OPRM1: variants seen among roughly 807,000 people sequenced by gnomAD.
OPRM1 encodes the protein mu-type opioid receptor.
In OPRM1, 27 loss-of-function variants were observed where a neutral mutation model predicts 31.8. The observed-to-expected ratio is 0.85, with a 90% CI of 0.63 to 1.17. The LOEUF (loss-of-function observed/expected upper bound fraction) is 1.17, where lower values mean the gene tolerates loss of function less well. OPRM1 is among the 50% of genes most tolerant of loss of function. The pLI is 0.00. For synonymous variants in OPRM1, 196 were observed against 189.9 expected (o/e 1.03, Z -0.26); for missense variants, 536 against 511.1 (o/e 1.05, Z -0.47).
Position 154,091,349 on chromosome 6 carries a change from A to G in OPRM1, c.1041A>G (p.Arg347=), listed in dbSNP as rs1442015751. 1.9e-6 allele frequency: 3 copies of G among 1,614,192 alleles called. No homozygotes were observed. Among genetic ancestry groups the G allele is most frequent in the Non-Finnish European group, 2.5e-6 (3 of 1,180,044 alleles). ...CATTTCTGGATGAAAACTTCAAACG[A>G]TGCTTCAGAGAGTTCTGTATCCCAA... is the stretch of plus-strand genomic sequence containing the variant. ...LYAFLDENFK[R]CFREFCIPTS... Residue 347 remains arginine, a synonymous_variant, in exon 3 of 4, where the codon CGA becomes CGG. Transcript: ENST00000330432.
At chr6:154,181,950 T>C (rs544901532) in intron 3 of OPRM1, among the ~76,000 whole-genome samples, 1 of 152,300 alleles carries the variant, frequency 6.6e-6, no homozygotes, top group South Asian at 2.1e-4. Flanking sequence ...AACGTCAAGT[T>C]GGGAGAACAC....
chr6:154,099,724 A>G (rs1562470822), intron 3 of OPRM1, among the ~76,000 whole-genome samples: 1 of 144,582 alleles, frequency 6.9e-6, no homozygotes, highest in Non-Finnish European at 1.5e-5. Flanking sequence ...GATTCATTTC[A>G]AATGTTAAAT....
At position 154,039,487 on chromosome 6, in the gene OPRM1, A is replaced by G. The variant is rs9282814; in HGVS notation, c.-58A>G. 6.4e-7 allele frequency: 1 copy of G among 1,564,340 alleles called. No individual in the cohort carries two copies. Among genetic ancestry groups the G allele is most frequent in the Non-Finnish European group, 8.7e-7 (1 of 1,154,140 alleles). ...AAGCGGCTGAGGCGCTTGGAACCCG[A>G]AAAGTCTCGGTGCTCCTGGCTACCT... is the stretch of plus-strand genomic sequence containing the variant. On this transcript the variant is annotated 5_prime_UTR_variant, in exon 1 of 4. Transcript: ENST00000330432.
intron 1 of OPRM1, chr6:154,086,843 G>A (rs1432816948): frequency 1.0e-6 from 1 of 985,032 alleles, no homozygotes; most frequent in Admixed American, 6.2e-5. Context: ...GGTGAATCTA[G>A]CAAAAGTTAT....
In OPRM1 at chr6:154,128,101, A is replaced by G. The variant is rs1435865665; in HGVS notation, c.*9380A>G. ...TATTTCCAGGATTTATAAATTCAGT[A>G]TTACAAATAGTAATCTGGCAAGTGT... On this transcript the variant is annotated 3_prime_UTR_variant, in exon 4 of 4. Coordinates refer to ENST00000330432, the MANE Select transcript of OPRM1 (RefSeq NM_000914.5). 6.6e-6 allele frequency among the ~76,000 whole-genome samples: 1 copy of G among 152,232 alleles called. No individual in the cohort carries two copies. The highest frequency in any genetic ancestry group is 2.4e-5 in the African/African-American group (1 of 41,458).
chr6:154,099,456 GAAA>G, intron 3 of OPRM1, among the ~76,000 whole-genome samples: 2 of 16,374 alleles, frequency 1.2e-4, no homozygotes, highest in African/African-American at 1.9e-4. Flanking sequence ...AAGAAAGAGA[GAAA>G]GAAAGAAAGA....
chr6:154,213,137 G>A (rs867218981), intron 3 of OPRM1: 3 of 374,886 alleles, frequency 8.0e-6, no homozygotes, highest in African/African-American at 4.1e-5. Context: ...AGAGGTGTGA[G>A]TCATAATACC....
chr6:154,026,303 G>T (rs1778693183), intron 1 of OPRM1, among the ~76,000 whole-genome samples: 1 of 151,938 alleles, frequency 6.6e-6, no homozygotes, highest in South Asian at 2.1e-4. Flanking sequence ...CTGCCTACCA[G>T]ACATATTAGA....
intron 3 of OPRM1, among the ~76,000 whole-genome samples, chr6:154,230,567 G>C (rs1204558716): frequency 1.3e-5 from 2 of 152,162 alleles, no homozygotes; most frequent in Non-Finnish European, 2.9e-5. Context: ...GGGCTGACCA[G>C]GAGAAATGAG....
chr6:154,139,369 T>C (rs1798141018), intron 3 of OPRM1, among the ~76,000 whole-genome samples: 1 of 152,168 alleles, frequency 6.6e-6, no homozygotes, highest in Non-Finnish European at 1.5e-5. Flanking sequence ...TAGTCCTCTT[T>C]TGGGGGTCTT....
chr6:154,166,461 T>C (rs774212592), intron 3 of OPRM1, among the ~76,000 whole-genome samples: 5 of 152,224 alleles, frequency 3.3e-5, no homozygotes, highest in Non-Finnish European at 5.9e-5. Context: ...TATTATCCGT[T>C]GACAGACATT....
chr6:154,144,613 T>G (rs1434880781), intron 3 of OPRM1, among the ~76,000 whole-genome samples: 3 of 151,626 alleles, frequency 2.0e-5, no homozygotes, highest in Non-Finnish European at 4.4e-5. Context: ...CTGGGTGTGG[T>G]GGTGGGTGCC....
chr6:154,220,224 T>C (rs546669256), intron 3 of OPRM1, among the ~76,000 whole-genome samples: 49 of 152,312 alleles, frequency 3.2e-4, no homozygotes, highest in African/African-American at 1.1e-3. Flanking sequence ...CAATGGGGCA[T>C]GTGGTAGGCG....
chr6:154,213,688 G>A (rs768824743), intron 3 of OPRM1, among the ~76,000 whole-genome samples: 4 of 152,228 alleles, frequency 2.6e-5, no homozygotes, highest in Admixed American at 2.0e-4. Context: ...CAACACTAAG[G>A]TGTAATCACA....
In OPRM1 at chr6:154,130,755, T is replaced by C. The variant is rs1055757518; in HGVS notation, c.*12034T>C. On this transcript the variant is annotated 3_prime_UTR_variant, in exon 4 of 4. Coordinates refer to ENST00000330432, the MANE Select transcript of OPRM1 (RefSeq NM_000914.5). The stretch of plus-strand genomic sequence containing the variant: ...ATAAATAGAATATATAAAGGGAATA[T>C]ATATATACCAATATAAATGGGAATT... Among the ~76,000 whole-genome samples the C allele has an allele frequency of 6.6e-6, 1 of 151,954 alleles. No homozygotes were observed. The highest frequency in any genetic ancestry group is 1.5e-5 in the Non-Finnish European group (1 of 67,984).
chr6:154,133,262 G>A (rs1021427900), downstream of OPRM1, among the ~76,000 whole-genome samples: 1 of 152,120 alleles, frequency 6.6e-6, no homozygotes, highest in African/African-American at 2.4e-5. Flanking sequence ...ATCTCTACAT[G>A]GTATTACCAG....
intron 1 of OPRM1, among the ~76,000 whole-genome samples, chr6:154,041,691 CAG>C (rs1780101319): frequency 6.6e-6 from 1 of 151,796 alleles, no homozygotes; most frequent in Non-Finnish European, 1.5e-5. Flanking sequence ...ATTAGGTTGA[CAG>C]AGTGGGTTGA....
chr6:154,063,535 CA>C (rs1784796595), intron 1 of OPRM1, among the ~76,000 whole-genome samples: 1 of 151,878 alleles, frequency 6.6e-6, no homozygotes, highest in Admixed American at 6.6e-5. Flanking sequence ...TGTAAGTATA[CA>C]ATTCAGTGGT....
chr6:154,107,817 C>T (rs1236006534), intron 3 of OPRM1: 3 of 717,994 alleles, frequency 4.2e-6, no homozygotes, highest in Admixed American at 4.0e-5. Context: ...ACAGGTGTTC[C>T]AAGCCCGTGT....
Sources: gnomAD v4.1 joint callset for allele counts (sites outside exome capture counted in the v4.1 genomes callset) on GRCh38, gnomAD v4.1.1 for gene constraint, MANE v1.5 for transcripts, NCBI Gene and HGNC (gene_info 2026-07-23, HGNC 2026-07-21) for gene names.